The following ACTR3C variants were observed in gnomAD, a reference collection of about 807,000 sequenced individuals.
ACTR3C encodes the protein actin related protein 3C, also known as actin-related protein 3C.
In ACTR3C, 18 loss-of-function variants were observed where a neutral mutation model predicts 26.3. The ratio of observed to expected loss-of-function variants is 0.68; its 90% CI spans 0.47 to 1.01. The LOEUF (loss-of-function observed/expected upper bound fraction) is 1.01, where lower values mean the gene tolerates loss of function less well. ACTR3C is among the 50% of genes least tolerant of loss of function. The pLI is 0.00. For synonymous variants in ACTR3C, 55 were observed against 94.5 expected, an observed-to-expected ratio of 0.58 and a Z score of 2.42; for missense variants, 184 against 250.7, an observed-to-expected ratio of 0.73 and a Z score of 1.80.
the ACTR3C span, among the ~76,000 whole-genome samples, chr7:150,069,931 A>T: frequency 6.6e-6 from 1 of 152,148 alleles, no homozygotes; most frequent in Non-Finnish European, 1.5e-5. Context: ...GGAAGTCCAC[A>T]TGCTGAATCT....
chr7:150,037,094 G>A, the ACTR3C span, among the ~76,000 whole-genome samples: 4 of 109,168 alleles, frequency 3.7e-5, no homozygotes, highest in South Asian at 3.2e-4. Flanking sequence ...TGCGATGGGG[G>A]TCCTAAGAGC....
At chr7:150,077,702 G>A in the ACTR3C span, among the ~76,000 whole-genome samples, 1 of 152,192 alleles carries the variant, frequency 6.6e-6, no homozygotes, top group Non-Finnish European at 1.5e-5. Flanking sequence ...TTAAGAAAGA[G>A]TCAGCTGTCA....
chr7:150,094,737 G>A, the ACTR3C span, among the ~76,000 whole-genome samples: 3 of 150,754 alleles, frequency 2.0e-5, no homozygotes, highest in Admixed American at 6.6e-5. Context: ...AGTCCCTCAC[G>A]GAGCTCAGCG....
At chr7:150,153,125 G>T in the ACTR3C span, among the ~76,000 whole-genome samples, 1 of 152,162 alleles carries the variant, frequency 6.6e-6, no homozygotes, top group Non-Finnish European at 1.5e-5. Flanking sequence ...AACCCTAGAA[G>T]AAAACCTAGG....
chr7:150,237,167 G>C, the ACTR3C span, among the ~76,000 whole-genome samples: 1 of 152,086 alleles, frequency 6.6e-6, no homozygotes, highest in Non-Finnish European at 1.5e-5. Flanking sequence ...GAAGAACTGC[G>C]GAGAGGGACC....
intron 1 of ACTR3C, chr7:150,322,530 A>G (rs1797638120): frequency 6.6e-6 from 1 of 152,270 alleles, no homozygotes; most frequent in African/African-American, 2.4e-5. Flanking sequence ...TGACACCATC[A>G]TGAAATACTC....
At chr7:150,257,478 C>A (rs1404614953) in intron 6 of ACTR3C, among the ~76,000 whole-genome samples, 1 of 152,184 alleles carries the variant, frequency 6.6e-6, no homozygotes, top group Non-Finnish European at 1.5e-5. Flanking sequence ...AGGCCAATAC[C>A]AAGAAGGAAA....
chr7:150,288,952 G>T (rs1835996061), intron 4 of ACTR3C, among the ~76,000 whole-genome samples: 1 of 151,792 alleles, frequency 6.6e-6, no homozygotes, highest in African/African-American at 2.4e-5. Flanking sequence ...AGAAGTGTGG[G>T]TGTCAGGCTC....
the ACTR3C span, among the ~76,000 whole-genome samples, chr7:150,111,411 G>A: frequency 1.0e-5 from 1 of 99,478 alleles, no homozygotes; most frequent in Admixed American, 9.5e-5. Context: ...GTGTGCACAC[G>A]TGTGTGTACA....
the ACTR3C span, among the ~76,000 whole-genome samples, chr7:149,976,718 A>C: frequency 1.3e-5 from 2 of 152,144 alleles, no homozygotes; most frequent in African/African-American, 4.8e-5. Flanking sequence ...CCTGGAGACC[A>C]CAGGTAATGT....
chr7:150,125,664 CA>C, the ACTR3C span, among the ~76,000 whole-genome samples: 3 of 152,160 alleles, frequency 2.0e-5, no homozygotes, highest in African/African-American at 7.2e-5. Context: ...CCAGTTCTAG[CA>C]AATTTAAGAT....
At chr7:150,277,701 C>T (rs1424319326) in intron 6 of ACTR3C, among the ~76,000 whole-genome samples, 1 of 152,064 alleles carries the variant, frequency 6.6e-6, no homozygotes, top group African/African-American at 2.4e-5. Context: ...CCTTTTCCTC[C>T]CACTTGTCAA....
the ACTR3C span, among the ~76,000 whole-genome samples, chr7:150,113,886 G>C: frequency 6.6e-6 from 1 of 151,382 alleles, no homozygotes; most frequent in African/African-American, 2.4e-5. Context: ...TTATCTCACA[G>C]CTTCATTCAA....
chr7:150,178,838 G>C, the ACTR3C span, among the ~76,000 whole-genome samples: 1 of 150,912 alleles, frequency 6.6e-6, no homozygotes, highest in East Asian at 1.9e-4. Flanking sequence ...TTGAGCCACT[G>C]AGCTAATCGA....
chr7:150,207,232 C>G, the ACTR3C span, among the ~76,000 whole-genome samples: 1 of 152,168 alleles, frequency 6.6e-6, no homozygotes, highest in Non-Finnish European at 1.5e-5. Flanking sequence ...CCTACCTAAA[C>G]CACACTGACC....
At chr7:149,891,614 C>T in the ACTR3C span, among the ~76,000 whole-genome samples, 2 of 151,896 alleles carry the variant, frequency 1.3e-5, no homozygotes, top group Admixed American at 6.6e-5. Flanking sequence ...CACCCGAGCC[C>T]AGGAGTTCGA....
chr7:150,196,780 A>T, the ACTR3C span, among the ~76,000 whole-genome samples: 1 of 151,980 alleles, frequency 6.6e-6, no homozygotes, highest in African/African-American at 2.4e-5. Context: ...TTGTTTATTT[A>T]TGTTGAGTGT....
chr7:150,131,802 G>A, the ACTR3C span, among the ~76,000 whole-genome samples: 4 of 152,210 alleles, frequency 2.6e-5, no homozygotes, highest in Non-Finnish European at 5.9e-5. Context: ...AAAGTGGAAA[G>A]AACCCCAATG....
the ACTR3C span, among the ~76,000 whole-genome samples, chr7:149,994,597 A>G: frequency 4.6e-5 from 7 of 151,924 alleles, no homozygotes; most frequent in Non-Finnish European, 1.0e-4. Flanking sequence ...GTGGAACTCC[A>G]TCTCAAAAGA....
Sources: allele counts gnomAD v4.1 joint callset (sites outside exome capture counted in the v4.1 genomes callset), GRCh38; gene constraint gnomAD v4.1.1; transcripts MANE v1.5; gene names NCBI Gene and HGNC (gene_info 2026-07-23, HGNC 2026-07-21).